Variants in GRM8 observed in about 807,000 individuals in gnomAD.
The protein encoded by GRM8 is metabotropic glutamate receptor 8.
GRM8 carries 47 observed loss-of-function variants against 87.2 expected under a neutral mutation model. The observed-to-expected ratio is 0.54, with a 90% CI of 0.43 to 0.69. GRM8 has a LOEUF of 0.69. Among genes scored for constraint, GRM8 ranks in the 30% least tolerant of loss-of-function variants. The pLI, the probability that GRM8 is intolerant of heterozygous loss-of-function variation, is 0.00. For synonymous variants in GRM8, 396 were observed against 404.5 expected (o/e 0.98, Z 0.25); for missense variants, 1,019 against 1,139.2 (o/e 0.89, Z 1.52).
chr7:126,553,385 A>G (rs1383893906), intron 8 of GRM8, among the ~76,000 whole-genome samples: 2 of 152,132 alleles, frequency 1.3e-5, no homozygotes, highest in African/African-American at 4.8e-5. Flanking sequence ...GGGTTATTTT[A>G]ATTAAATAAG....
At chr7:126,646,745 T>G (rs1339809895) in intron 7 of GRM8, among the ~76,000 whole-genome samples, 2 of 152,228 alleles carry the variant, frequency 1.3e-5, no homozygotes, top group Non-Finnish European at 1.5e-5. Flanking sequence ...CTTTTTGTAG[T>G]GATTAAATGA....
chr7:126,701,536 A>G (rs1164765924), intron 7 of GRM8, among the ~76,000 whole-genome samples: 1 of 152,182 alleles, frequency 6.6e-6, no homozygotes, highest in Admixed American at 6.6e-5. Flanking sequence ...GTTTTTAAAA[A>G]TCTGTTTCTA....
intron 3 of GRM8, among the ~76,000 whole-genome samples, chr7:126,924,458 T>C (rs1804874037): frequency 6.6e-6 from 1 of 152,196 alleles, no homozygotes; most frequent in African/African-American, 2.4e-5. Flanking sequence ...ATGTCCCAGA[T>C]ACAGTAACTC....
intron 7 of GRM8, among the ~76,000 whole-genome samples, chr7:126,639,069 C>T (rs985572642): frequency 1.3e-5 from 2 of 152,200 alleles, no homozygotes; most frequent in Non-Finnish European, 2.9e-5. Context: ...TGCTCAAGCA[C>T]TTCAAACAAC....
chr7:127,153,055 C>A (rs915374868), intron 2 of GRM8, among the ~76,000 whole-genome samples: 9 of 152,094 alleles, frequency 5.9e-5, no homozygotes. Context: ...GTCACAAGAC[C>A]ATAACCCAAT....
intron 2 of GRM8, among the ~76,000 whole-genome samples, chr7:127,149,049 T>C (rs185860778): frequency 1.3e-5 from 2 of 151,896 alleles, no homozygotes; most frequent in African/African-American, 4.8e-5. Context: ...CATGAAAAGG[T>C]CAGGCCACAA....
chr7:126,883,653 T>C (rs1165480379), intron 6 of GRM8, among the ~76,000 whole-genome samples: 3 of 152,110 alleles, frequency 2.0e-5, no homozygotes, highest in Non-Finnish European at 4.4e-5. Flanking sequence ...TTCAGATGGA[T>C]TGGAAGCAAC....
chr7:126,536,561 C>CCCAA (rs1381338746), intron 8 of GRM8, among the ~76,000 whole-genome samples: 1 of 151,642 alleles, frequency 6.6e-6, no homozygotes, highest in African/African-American at 2.4e-5. Context: ...GTTTTAATGA[C>CCCAA]TTAAAAATAT....
chr7:126,924,826 G>A (rs1311173449), intron 3 of GRM8, among the ~76,000 whole-genome samples: 3 of 152,224 alleles, frequency 2.0e-5, no homozygotes, highest in Admixed American at 2.0e-4. Context: ...AGGAGAAAGA[G>A]GTCACTGGCC....
intron 6 of GRM8, among the ~76,000 whole-genome samples, chr7:126,827,412 C>T (rs1794924899): frequency 1.3e-5 from 2 of 152,088 alleles, no homozygotes; most frequent in Non-Finnish European, 2.9e-5. Context: ...TGTAGTTCTC[C>T]TTGAAGAGGT....
intron 7 of GRM8, among the ~76,000 whole-genome samples, chr7:126,667,570 A>G (rs539512289): frequency 1.3e-5 from 2 of 152,348 alleles, no homozygotes; most frequent in South Asian, 4.1e-4. Context: ...GAAGGAAAAG[A>G]GAATGAGAAT....
At chr7:126,796,333 GA>G (rs138880051) in intron 6 of GRM8, among the ~76,000 whole-genome samples, 4 of 151,498 alleles carry the variant, frequency 2.6e-5, no homozygotes, top group South Asian at 2.1e-4. Context: ...TCTTGCTTCT[GA>G]AAAAAAAGTG....
chr7:126,599,804 T>C (rs1285492143), intron 8 of GRM8, among the ~76,000 whole-genome samples: 1 of 152,164 alleles, frequency 6.6e-6, no homozygotes, highest in African/African-American at 2.4e-5. Flanking sequence ...TATGGGCTCA[T>C]GAAAGAGACA....
chr7:127,131,916 A>C (rs1002910073), intron 2 of GRM8, among the ~76,000 whole-genome samples: 5 of 152,212 alleles, frequency 3.3e-5, no homozygotes, highest in Non-Finnish European at 7.3e-5. Flanking sequence ...TCTTAAATGC[A>C]AGAGTAATCT....
intron 6 of GRM8, among the ~76,000 whole-genome samples, chr7:126,789,679 G>A (rs2151668841): frequency 6.6e-6 from 1 of 152,226 alleles, no homozygotes; most frequent in South Asian, 2.1e-4. Flanking sequence ...TACGAAAAAT[G>A]CTCTCCAAAA....
chr7:126,946,806 A>G (rs1481763003), intron 3 of GRM8, among the ~76,000 whole-genome samples: 2 of 152,238 alleles, frequency 1.3e-5, no homozygotes, highest in African/African-American at 4.8e-5. Context: ...TTATACCTCA[A>G]TAGTTAATTC....
chr7:126,745,146 C>A (rs911969310), intron 7 of GRM8, among the ~76,000 whole-genome samples: 1 of 151,056 alleles, frequency 6.6e-6, no homozygotes, highest in Non-Finnish European at 1.5e-5. Context: ...TGAGAACTGC[C>A]GATTTAGAAT....
Position 126,685,305 on chromosome 7 carries a change from G to C in GRM8, c.1358-75807C>G, listed in dbSNP as rs912688202. On this transcript the variant is annotated intron_variant, in intron 7 of 10. Coordinates refer to ENST00000339582, the MANE Select transcript of GRM8 (RefSeq NM_000845.3). The surrounding 1 kb of genome is among the most constrained non-coding windows in gnomAD (Gnocchi z 4.2). ...GTGGTTGGGCACAGAGGGGTGACCA[G>C]AGAGGGGACTCGAGGCGGAGCCGGG... Among the ~76,000 whole-genome samples the C allele has an allele frequency of 7.2e-5, 11 of 152,114 alleles. No individual in the cohort carries two copies. Among genetic ancestry groups the C allele is most frequent in the Non-Finnish European group, 1.5e-4 (10 of 68,008 alleles).
At chr7:127,211,394 C>T (rs17863242) in intron 2 of GRM8, among the ~76,000 whole-genome samples, 17,613 of 152,172 alleles carry the variant, frequency 0.12, 1,987 homozygotes, top group African/African-American at 0.3. Context: ...CTAGTCATTC[C>T]GCATTCTTCT....
Sources: allele counts gnomAD v4.1 joint callset (sites outside exome capture counted in the v4.1 genomes callset), GRCh38; gene constraint gnomAD v4.1.1; non-coding constraint Gnocchi (gnomAD v3.1); transcripts MANE v1.5; gene names NCBI Gene and HGNC (gene_info 2026-07-23, HGNC 2026-07-21).